CHIC1: variants seen among roughly 807,000 people sequenced by gnomAD.
CHIC1 encodes the protein cysteine-rich hydrophobic domain-containing protein 1.
Under a neutral mutation model 18.5 loss-of-function variants are expected in CHIC1, and 7 were observed. The ratio of observed to expected loss-of-function variants is 0.38; its 90% CI spans 0.22 to 0.71. CHIC1 has a LOEUF of 0.71. CHIC1 is among the 30% of genes least tolerant of loss of function. CHIC1 has a pLI of 0.49. For missense variants in CHIC1, 159 were observed against 176.9 expected, an observed-to-expected ratio of 0.90 and a Z score of 0.57; for synonymous variants, 77 against 73.5, an observed-to-expected ratio of 1.05 and a Z score of -0.25.
chrX:73,658,080 G>T (rs1047274926), intron 3 of CHIC1, among the ~76,000 whole-genome samples: 8 of 109,057 alleles, frequency 7.3e-5, no homozygotes, highest in Non-Finnish European at 1.1e-4. Flanking sequence ...AGGTTTTTTT[G>T]TTGTTGTTGT....
chrX:73,563,193 C>T, upstream of CHIC1: 1 of 992,434 alleles, frequency 1.0e-6, no homozygotes, highest in Non-Finnish European at 1.3e-6. Context: ...CACCCCTCCT[C>T]TTTCTCTTCA....
At chrX:73,653,845 C>T (rs1447026633) in intron 3 of CHIC1, among the ~76,000 whole-genome samples, 1 of 111,676 alleles carries the variant, frequency 9.0e-6, no homozygotes, top group Non-Finnish European at 1.9e-5. Flanking sequence ...TTCGAAATTT[C>T]TTTTTCAGAT....
At chrX:73,607,053 C>T (rs1379654674) in intron 3 of CHIC1, among the ~76,000 whole-genome samples, 2 of 108,921 alleles carry the variant, frequency 1.8e-5, no homozygotes, top group Non-Finnish European at 3.8e-5. Context: ...CAGGCAGGAA[C>T]GTTTAAGTCT....
chrX:73,661,621 A>G (rs1445423905), intron 3 of CHIC1, among the ~76,000 whole-genome samples: 1 of 111,922 alleles, frequency 8.9e-6, no homozygotes, highest in Admixed American at 9.5e-5. Flanking sequence ...ACATTGATCT[A>G]GCAGTTGCTG....
intron 3 of CHIC1, among the ~76,000 whole-genome samples, chrX:73,635,656 C>A (rs2057828324): frequency 8.9e-6 from 1 of 111,841 alleles, no homozygotes; most frequent in African/African-American, 3.2e-5. Flanking sequence ...TAGTTATTTA[C>A]CATATTCTCT....
intron 3 of CHIC1, among the ~76,000 whole-genome samples, chrX:73,631,023 G>A (rs2057804425): frequency 9.0e-6 from 1 of 111,441 alleles, no homozygotes; most frequent in Admixed American, 9.6e-5. Flanking sequence ...AGGCTATCCA[G>A]TTTGTTGACT....
chrX:73,679,457 G>T, intron 4 of CHIC1, 75 bp downstream of exon 4: 3 of 707,367 alleles, frequency 4.2e-6, no homozygotes, highest in South Asian at 2.7e-5. Context: ...TACAAAATGG[G>T]AATTTTTAGG....
chrX:73,685,789 G>A lies in CHIC1; in HGVS notation c.*4784G>A, dbSNP rs1366696291. 9.0e-6 allele frequency: 1 copy of A among 111,429 alleles called. No individual in the cohort carries two copies. The highest frequency in any genetic ancestry group is 3.3e-5 in the African/African-American group (1 of 30,765). The allele number at this position is 111,429 out of a possible 1,213,427, so 9.2% of individuals were successfully genotyped here. On this transcript the variant is annotated 3_prime_UTR_variant, in exon 6 of 6. Transcript: ENST00000373502. ...CTTTTTCAGTCAGGTCCTACAGAAT[G>A]ACTATTGCACTTGGTCTATTGTTTT...
chrX:73,675,927 G>T (rs1241144026), intron 3 of CHIC1, among the ~76,000 whole-genome samples: 1 of 110,150 alleles, frequency 9.1e-6, no homozygotes, highest in Non-Finnish European at 1.9e-5. Context: ...GGCAGGCCTG[G>T]TGGTGACAAA....
chrX:73,655,632 AGTGT>A (rs34657508), intron 3 of CHIC1, among the ~76,000 whole-genome samples: 15 of 17,931 alleles, frequency 8.4e-4, no homozygotes, highest in Non-Finnish European at 1.4e-3. Flanking sequence ...ATATATATAT[AGTGT>A]GTGTGTGTGT....
At chrX:73,610,194 T>C (rs967093604) in intron 3 of CHIC1, among the ~76,000 whole-genome samples, 2 of 109,356 alleles carry the variant, frequency 1.8e-5, no homozygotes, top group African/African-American at 7.1e-5. Context: ...TCCATCCACG[T>C]TGCTGCAAAT....
intron 3 of CHIC1, among the ~76,000 whole-genome samples, chrX:73,618,301 G>GCTAT (rs2057742611): frequency 9.0e-6 from 1 of 111,651 alleles, no homozygotes; most frequent in Non-Finnish European, 1.9e-5. Context: ...TAGTAGTATA[G>GCTAT]GGATGATCAG....
chrX:73,678,949 C>T (rs930977232), intron 3 of CHIC1, among the ~76,000 whole-genome samples: 3 of 111,493 alleles, frequency 2.7e-5, no homozygotes, highest in Non-Finnish European at 5.7e-5. Flanking sequence ...TAAAGTAATC[C>T]TAAGACAGTT....
At chrX:73,606,146 C>T (rs932862751) in intron 3 of CHIC1, among the ~76,000 whole-genome samples, 1 of 107,635 alleles carries the variant, frequency 9.3e-6, no homozygotes, top group African/African-American at 3.6e-5. Flanking sequence ...GCTCTTTTTA[C>T]ATAGTCCCAT....
At chrX:73,643,093 T>A (rs2057867011) in intron 3 of CHIC1, among the ~76,000 whole-genome samples, 2 of 111,728 alleles carry the variant, frequency 1.8e-5, no homozygotes, top group African/African-American at 6.5e-5. Flanking sequence ...CATTTGCTTG[T>A]CTGTAAAGTA....
chrX:73,607,305 C>A (rs1020965664), intron 3 of CHIC1, among the ~76,000 whole-genome samples: 14 of 107,804 alleles, frequency 1.3e-4, no homozygotes, highest in Non-Finnish European at 2.5e-4. Flanking sequence ...TCTACTCAAG[C>A]CTCAGTAATG....
intron 3 of CHIC1, among the ~76,000 whole-genome samples, chrX:73,659,876 A>G (rs748070466): frequency 1.0e-3 from 112 of 111,831 alleles, no homozygotes; most frequent in South Asian, 8.8e-3. Flanking sequence ...GGGATACCCC[A>G]TTACCCTATC....
chrX:73,596,952 C>T (rs2057612153), intron 3 of CHIC1, among the ~76,000 whole-genome samples: 1 of 111,962 alleles, frequency 8.9e-6, no homozygotes, highest in Non-Finnish European at 1.9e-5. Context: ...CAATACCATT[C>T]AGGACATAGG....
At chrX:73,655,558 G>A (rs1296895027) in intron 3 of CHIC1, among the ~76,000 whole-genome samples, 4 of 82,032 alleles carry the variant, frequency 4.9e-5, no homozygotes, top group African/African-American at 2.1e-4. Flanking sequence ...ACAATATTGT[G>A]TATATATAGT....
Sources: gnomAD v4.1 joint callset for allele counts (sites outside exome capture counted in the v4.1 genomes callset) on GRCh38, gnomAD v4.1.1 for gene constraint, MANE v1.5 for transcripts, NCBI Gene and HGNC (gene_info 2026-07-23, HGNC 2026-07-21) for gene names.